Variants in PYHIN1 observed in about 807,000 individuals in gnomAD.
The protein encoded by PYHIN1 is pyrin and HIN domain family member 1.
Under a neutral mutation model 43.7 loss-of-function variants are expected in PYHIN1, and 32 were observed. The ratio of observed to expected loss-of-function variants is 0.73; its 90% CI spans 0.55 to 0.98. The LOEUF is 0.98. Ranked by LOEUF, PYHIN1 falls within the 50% of genes least tolerant of loss-of-function variation. The pLI is 0.00. For missense variants in PYHIN1, 588 were observed against 589.5 expected (o/e 1.00, Z 0.03); for synonymous variants, 205 against 203.1 (o/e 1.01, Z -0.08).
At chr1:158,939,903 A>G (rs894523868) in intron 4 of PYHIN1, 3 of 190,816 alleles carry the variant, frequency 1.6e-5, no homozygotes, top group Middle Eastern at 2.0e-3. Context: ...TGTCTGCCTC[A>G]TGGGAAGCTT....
intron 1 of PYHIN1, among the ~76,000 whole-genome samples, chr1:158,935,335 T>C (rs1571714857): frequency 6.6e-6 from 1 of 151,666 alleles, no homozygotes; most frequent in African/African-American, 2.4e-5. Flanking sequence ...TTCAAAGTCT[T>C]CTGAAACAAT....
At chr1:158,971,480 C>A (rs13374535) in intron 7 of PYHIN1, among the ~76,000 whole-genome samples, 5 of 151,792 alleles carry the variant, frequency 3.3e-5, no homozygotes, top group Admixed American at 3.3e-4. Context: ...AAATCTGAAA[C>A]GGTTGTGATT....
At chr1:158,988,592 T>C in the PYHIN1 span, among the ~76,000 whole-genome samples, 1 of 152,182 alleles carries the variant, frequency 6.6e-6, no homozygotes, top group African/African-American at 2.4e-5. Context: ...CCTCATTATA[T>C]AGTGAGAGAG....
chr1:158,949,930 A>G (rs190244184), intron 7 of PYHIN1, among the ~76,000 whole-genome samples: 67 of 152,308 alleles, frequency 4.4e-4, no homozygotes, highest in South Asian at 8.3e-4. Flanking sequence ...TGTAGCCACA[A>G]TTGGGTTTGG....
Position 158,976,906 on chromosome 1 carries a change from A to AG in PYHIN1, c.*211_*212insG. ...TATATATATATATATATATATATAT[A>AG]TATATATATACCAGCTATTAATTCT... On this transcript the variant is annotated 3_prime_UTR_variant, in exon 9 of 9. Transcript: ENST00000368140. 2.3e-5 allele frequency: 3 copies of AG among 131,614 alleles called. No individual in the cohort carries two copies. Among genetic ancestry groups the AG allele is most frequent in the East Asian group, 1.8e-4 (1 of 5,520 alleles). 8.2% of individuals were successfully genotyped at this position (131,614 alleles called of 1,614,324 possible). A position where few individuals can be genotyped will look rare whatever the true frequency, so the allele number is the denominator to read the frequency against.
At chr1:158,968,408 C>T (rs544785786) in intron 7 of PYHIN1, among the ~76,000 whole-genome samples, 1 of 152,164 alleles carries the variant, frequency 6.6e-6, no homozygotes, top group South Asian at 2.1e-4. Context: ...CATCTCACAC[C>T]AATCAGAATG....
At chr1:158,956,488 G>A (rs1386170007) in intron 7 of PYHIN1, among the ~76,000 whole-genome samples, 2 of 149,924 alleles carry the variant, frequency 1.3e-5, no homozygotes, top group African/African-American at 4.9e-5. Context: ...TATAAACAGA[G>A]CCAAAGACAA....
downstream of PYHIN1, among the ~76,000 whole-genome samples, chr1:158,979,266 AT>A (rs2101748405): frequency 6.6e-6 from 1 of 152,314 alleles, no homozygotes; most frequent in Admixed American, 6.5e-5. Context: ...CATCTGGCAT[AT>A]CTGAAGTTGT....
At position 158,937,018 on chromosome 1, in the gene PYHIN1, T is replaced by C. The variant is rs1251317709; in HGVS notation, c.108T>C (p.Asn36=). 2 of 1,613,896 alleles carry C rather than the reference T, an allele frequency of 1.2e-6. No individual in the cohort carries two copies. Among genetic ancestry groups the C allele is most frequent in the East Asian group, 2.2e-5 (1 of 44,882 alleles). The part of the protein sequence containing the change: ...KSLLSNDLKL[N]PKMKEEYDKI... ...TACTGAGTAACGATTTAAAACTTAA[T>C]CCAAAAATGAAAGAAGAGTATGACA... The change falls in exon 2 of 9, where the codon AAT becomes AAC. Residue 36 remains asparagine (N), a synonymous_variant. Coordinates refer to ENST00000368140, the MANE Select transcript of PYHIN1 (RefSeq NM_152501.5).
At chr1:158,980,621 G>A (rs1027594035), downstream of PYHIN1, among the ~76,000 whole-genome samples, 5 of 152,058 alleles carry the variant, frequency 3.3e-5, no homozygotes, top group African/African-American at 1.2e-4. Context: ...GAACCCTCAG[G>A]CTTACTAGGG....
At chr1:158,988,691 C>G in the PYHIN1 span, among the ~76,000 whole-genome samples, 2 of 152,088 alleles carry the variant, frequency 1.3e-5, no homozygotes, top group African/African-American at 4.8e-5. Flanking sequence ...GAGGAAACTT[C>G]TAAGCACAAT....
rs1409055661 is a variant in PYHIN1 at position 158,958,147 on chromosome 1, C to T, written c.1359+13105C>T. ...ATGTGGAGAAATAGGAACACTTTTA[C>T]ACTGTTGGTGGGACTGTAAACTAGT... On this transcript the variant is annotated intron_variant, in intron 7 of 8. Transcript: ENST00000368140. Among the ~76,000 whole-genome samples, 3 of 151,018 alleles carry T rather than the reference C, an allele frequency of 2.0e-5. 1 individual carries two copies. The highest frequency in any genetic ancestry group is 4.2e-4 in the South Asian group (2 of 4,784).
At chr1:158,941,955 A>C in intron 4 of PYHIN1, 22 bp from the exon 5 acceptor site, 1 of 1,541,720 alleles carries the variant, frequency 6.5e-7, no homozygotes, top group Non-Finnish European at 8.7e-7. Context: ...TCTTTTTTGT[A>C]TTCCTTTTGT....
At chr1:158,938,280 A>G in intron 2 of PYHIN1, 117 bp from the exon 3 acceptor site, 2 of 1,093,868 alleles carry the variant, frequency 1.8e-6, no homozygotes, top group Non-Finnish European at 2.7e-6. Context: ...CAATAGAGAT[A>G]GACTAAAATA....
chr1:158,952,720 T>C (rs1303766905), intron 7 of PYHIN1, among the ~76,000 whole-genome samples: 1 of 152,106 alleles, frequency 6.6e-6, no homozygotes, highest in African/African-American at 2.4e-5. Flanking sequence ...TTGAGCATAA[T>C]GTTGTTTAAG....
intron 7 of PYHIN1, among the ~76,000 whole-genome samples, chr1:158,969,126 T>G (rs1650798847): frequency 6.6e-6 from 1 of 152,018 alleles, no homozygotes; most frequent in Non-Finnish European, 1.5e-5. Flanking sequence ...ACTTAAGTAT[T>G]TCATGGTCAT....
At chr1:158,987,584 T>C in the PYHIN1 span, among the ~76,000 whole-genome samples, 1 of 152,220 alleles carries the variant, frequency 6.6e-6, no homozygotes, top group Non-Finnish European at 1.5e-5. Flanking sequence ...GTGCATTCGA[T>C]ATCATATCTT....
At chr1:158,956,761 A>C (rs1280112051) in intron 7 of PYHIN1, among the ~76,000 whole-genome samples, 1 of 148,962 alleles carries the variant, frequency 6.7e-6, no homozygotes, top group Non-Finnish European at 1.5e-5. Context: ...CAGGGCAATT[A>C]GGCAGGAGAA....
At chr1:158,943,434 C>T (rs1649043812) in intron 5 of PYHIN1, among the ~76,000 whole-genome samples, 1 of 152,096 alleles carries the variant, frequency 6.6e-6, no homozygotes, top group Admixed American at 6.6e-5. Context: ...GACAGATGCC[C>T]ATTCTTTTTG....
Sources: gnomAD v4.1 joint callset for allele counts (sites outside exome capture counted in the v4.1 genomes callset) on GRCh38, gnomAD v4.1.1 for gene constraint, MANE v1.5 for transcripts, NCBI Gene and HGNC (gene_info 2026-07-23, HGNC 2026-07-21) for gene names.